The following PPM1G variants were observed in gnomAD, a reference collection of about 807,000 sequenced individuals.
PPM1G encodes the protein protein phosphatase, Mg2+/Mn2+ dependent 1G, also known as protein phosphatase 1G.
A neutral mutation model predicts 59.4 loss-of-function variants in PPM1G; 12 were observed. The ratio of observed to expected loss-of-function variants is 0.20; its 90% CI spans 0.13 to 0.33. PPM1G has a LOEUF of 0.33. Ranked by LOEUF, PPM1G falls within the 10% of genes least tolerant of loss-of-function variation. The pLI is 1.00. For missense variants in PPM1G, 392 were observed against 681.3 expected (o/e 0.58, Z 4.73); for synonymous variants, 245 against 251.9 (o/e 0.97, Z 0.26).
chr2:27,408,232 T>G (rs74864587), intron 1 of PPM1G, among the ~76,000 whole-genome samples: 3 of 152,322 alleles, frequency 2.0e-5, no homozygotes, highest in East Asian at 1.9e-4. Flanking sequence ...GAGCGAGGGA[T>G]CTGAAACAAT....
Position 27,387,080 on chromosome 2 carries a change from T to A in PPM1G, c.190+9A>T, listed in dbSNP as rs1558317129. 6 of 1,603,682 alleles carry A rather than the reference T, an allele frequency of 3.7e-6. No homozygotes were observed. The highest frequency in any genetic ancestry group is 4.3e-6 in the Non-Finnish European group (5 of 1,170,556). On this transcript the variant is annotated intron_variant, in intron 2 of 9. Transcript: ENST00000344034. Reference sequence around the variant, plus strand: ...CTAGAATGTTACCAATATGATCTGTTAAAGTTACCTCCATGTCCATCGTAG... The same window carrying A: ...CTAGAATGTTACCAATATGATCTGTAAAAGTTACCTCCATGTCCATCGTAG...
chr2:27,385,250 TC>T lies in PPM1G; in HGVS notation c.410-163del. On this transcript the variant is annotated intron_variant, in intron 4 of 9. Transcript: ENST00000344034. The surrounding 1 kb of genome is among the most constrained non-coding windows in gnomAD (Gnocchi z 4.1). ...CAGAAGAACATGCCCTAGCTCCTCC[TC>T]CTCCACAGACTTCTTTTGGTTTTTG... is the stretch of plus-strand genomic sequence containing the variant. 2.9e-6 allele frequency: 2 copies of T among 698,680 alleles called. No individual in the cohort carries two copies. The highest frequency in any genetic ancestry group is 3.5e-5 in the Admixed American group (1 of 28,274). 43.3% of individuals were successfully genotyped at this position (698,680 alleles called of 1,614,324 possible).
intron 1 of PPM1G, among the ~76,000 whole-genome samples, chr2:27,398,181 G>A (rs1006157947): frequency 9.9e-5 from 15 of 152,196 alleles, no homozygotes; most frequent in African/African-American, 3.4e-4. Flanking sequence ...AAATGGACTT[G>A]AGAGTTCAGA....
At chr2:27,397,182 T>C (rs925346329) in intron 1 of PPM1G, among the ~76,000 whole-genome samples, 9 of 152,094 alleles carry the variant, frequency 5.9e-5, no homozygotes, top group Non-Finnish European at 8.8e-5. Flanking sequence ...ATGAAAATTT[T>C]TAAAGAAAAA....
At chr2:27,387,710 A>T (rs536945937) in intron 1 of PPM1G, among the ~76,000 whole-genome samples, 1 of 152,288 alleles carries the variant, frequency 6.6e-6, no homozygotes, top group South Asian at 2.1e-4. Flanking sequence ...CATGTTGGTC[A>T]GGCTGGTCTC....
intron 2 of PPM1G, 54 bp downstream of exon 2, chr2:27,387,035 G>C (rs1572661294): frequency 2.1e-6 from 3 of 1,405,124 alleles, no homozygotes; most frequent in Non-Finnish European, 3.0e-6. Flanking sequence ...TCTTGCCCTG[G>C]AACGTCTGGA....
intron 1 of PPM1G, among the ~76,000 whole-genome samples, chr2:27,405,860 A>G (rs954247284): frequency 1.3e-5 from 2 of 151,214 alleles, no homozygotes. Context: ...AAAATTAGCC[A>G]GGCGTGGTGG....
At position 27,382,343 on chromosome 2, in the gene PPM1G, G is replaced by A; in HGVS notation, c.1332-115C>T. On this transcript the variant is annotated intron_variant, in intron 8 of 9. Transcript: ENST00000344034. The surrounding 1 kb of genome is among the most constrained non-coding windows in gnomAD (Gnocchi z 4.2). ...AATAACTACAGAAATTCTCAGCTCTGCCTTAGTCTGGGTGCTCTTCACCCA... is the reference window on the plus strand; with the variant it reads ...AATAACTACAGAAATTCTCAGCTCTACCTTAGTCTGGGTGCTCTTCACCCA... The A allele has an allele frequency of 6.4e-7, 1 of 1,550,672 alleles. No individual in the cohort carries two copies.
chr2:27,398,683 A>G (rs1288840915), intron 1 of PPM1G, among the ~76,000 whole-genome samples: 1 of 151,400 alleles, frequency 6.6e-6, no homozygotes, highest in Admixed American at 6.6e-5. Flanking sequence ...TTAGCTGCGC[A>G]TGGTGGCATG....
intron 1 of PPM1G, among the ~76,000 whole-genome samples, chr2:27,395,692 TA>T (rs2148424180): frequency 6.6e-6 from 1 of 151,574 alleles, no homozygotes; most frequent in South Asian, 2.1e-4. Flanking sequence ...AAAAATTTTT[TA>T]AATTAGCCAC....
At chr2:27,403,639 C>A (rs1684235653) in intron 1 of PPM1G, among the ~76,000 whole-genome samples, 1 of 152,074 alleles carries the variant, frequency 6.6e-6, no homozygotes, top group Admixed American at 6.6e-5. Context: ...GTAATCCCAG[C>A]ACTTTGGGAG....
chr2:27,406,439 G>T (rs1175973374), intron 1 of PPM1G, among the ~76,000 whole-genome samples: 1 of 152,188 alleles, frequency 6.6e-6, no homozygotes, highest in Non-Finnish European at 1.5e-5. Flanking sequence ...TACTCTTCAA[G>T]AGGATTTGAT....
At chr2:27,400,167 C>A (rs1684149295) in intron 1 of PPM1G, among the ~76,000 whole-genome samples, 1 of 150,686 alleles carries the variant, frequency 6.6e-6, no homozygotes, top group South Asian at 2.1e-4. Flanking sequence ...GAGGCCGAGG[C>A]AGGCGGATTG....
chr2:27,400,677 G>C (rs961716510), intron 1 of PPM1G, among the ~76,000 whole-genome samples: 1 of 152,186 alleles, frequency 6.6e-6, no homozygotes, highest in African/African-American at 2.4e-5. Context: ...GAAAATTCAA[G>C]AATTGTTAAG....
intron 1 of PPM1G, 32 bp downstream of exon 1, chr2:27,409,271 A>T (rs1420774409): frequency 2.6e-6 from 4 of 1,545,338 alleles, no homozygotes; most frequent in Non-Finnish European, 3.5e-6. Flanking sequence ...CCCGCCCCGC[A>T]GCGGCCAGCC....
At chr2:27,404,242 T>C (rs1356246195) in intron 1 of PPM1G, among the ~76,000 whole-genome samples, 2 of 151,952 alleles carry the variant, frequency 1.3e-5, no homozygotes, top group African/African-American at 4.8e-5. Context: ...AAGGAAAATA[T>C]GATTTATAGC....
intron 1 of PPM1G, among the ~76,000 whole-genome samples, chr2:27,408,070 A>C (rs1228709374): frequency 6.6e-6 from 1 of 152,152 alleles, no homozygotes; most frequent in Non-Finnish European, 1.5e-5. Context: ...AGGGAGCCAA[A>C]GCAGATGAGA....
In PPM1G at chr2:27,409,256, A is replaced by G. The variant is rs777446434; in HGVS notation, c.120+47T>C. ...CCATCCCCCGCTCTCTTTCTCCGTC[A>G]GATTCCCGCCCCGCAGCGGCCAGCC... On this transcript the variant is annotated intron_variant, in intron 1 of 9. Coordinates refer to ENST00000344034, the MANE Select transcript of PPM1G (RefSeq NM_177983.3). The G allele has an allele frequency of 3.9e-6, 6 of 1,531,866 alleles. No homozygotes were observed. In the East Asian group the frequency reaches 1.3e-4, roughly 34 times the overall value. 94.9% of individuals were successfully genotyped at this position (1,531,866 alleles called of 1,614,324 possible).
At chr2:27,396,536 C>T (rs1158364931) in intron 1 of PPM1G, among the ~76,000 whole-genome samples, 2 of 151,262 alleles carry the variant, frequency 1.3e-5, no homozygotes, top group South Asian at 2.1e-4. Flanking sequence ...TTTTTAAGGC[C>T]GGGCGTGGTG....
Sources: allele counts gnomAD v4.1 joint callset (sites outside exome capture counted in the v4.1 genomes callset), GRCh38; gene constraint gnomAD v4.1.1; non-coding constraint Gnocchi (gnomAD v3.1); transcripts MANE v1.5; gene names NCBI Gene and HGNC (gene_info 2026-07-23, HGNC 2026-07-21).